The following ST18 variants were observed in gnomAD, a reference collection of about 807,000 sequenced individuals.
The protein encoded by ST18 is ST18 C2H2C-type zinc finger transcription factor, also known as suppression of tumorigenicity 18 protein.
In ST18, 50 loss-of-function variants were observed where a neutral mutation model predicts 110.0. The observed-to-expected ratio is 0.45, with a 90% confidence interval of 0.36 to 0.58. The LOEUF is 0.58. ST18 is among the 20% of genes least tolerant of loss of function. The pLI is 0.00. For synonymous variants in ST18, 461 were observed against 452.4 expected (o/e 1.02, Z -0.24); for missense variants, 1,306 against 1,280.1 (o/e 1.02, Z -0.31).
At chr8:52,249,985 C>G (rs994588552) in intron 2 of ST18, among the ~76,000 whole-genome samples, 2 of 152,000 alleles carry the variant, frequency 1.3e-5, no homozygotes, top group Admixed American at 6.6e-5. Context: ...AGCCCTACCC[C>G]CTACCCAAGC....
At chr8:52,192,867 C>T (rs531371717) in intron 8 of ST18, among the ~76,000 whole-genome samples, 1 of 152,172 alleles carries the variant, frequency 6.6e-6, no homozygotes, top group Non-Finnish European at 1.5e-5. Context: ...CCTTTTCTGT[C>T]ACCTGGGTTC....
At chr8:52,222,379 G>A (rs1001270278) in intron 3 of ST18, among the ~76,000 whole-genome samples, 11 of 152,112 alleles carry the variant, frequency 7.2e-5, no homozygotes, top group Non-Finnish European at 1.0e-4. Context: ...GCTTCCTGAC[G>A]CTCACAGCTT....
chr8:52,324,007 T>C (rs970057337), intron 2 of ST18, among the ~76,000 whole-genome samples: 16 of 152,210 alleles, frequency 1.1e-4, no homozygotes, highest in African/African-American at 3.9e-4. Flanking sequence ...GACAGGGAAC[T>C]TCATCTGCCC....
At chr8:52,169,981 G>A (rs559157837) in intron 10 of ST18, among the ~76,000 whole-genome samples, 18 of 152,246 alleles carry the variant, frequency 1.2e-4, no homozygotes, top group African/African-American at 3.9e-4. Flanking sequence ...AGTTTCAAAA[G>A]CTCTATAAAA....
At position 52,246,099 on chromosome 8, in the gene ST18, G is replaced by A. The variant is rs568135567; in HGVS notation, c.-464-16022C>T. On this transcript the variant is annotated intron_variant, in intron 2 of 25. Coordinates refer to ENST00000689386, the MANE Select transcript of ST18 (RefSeq NM_001352837.2). ...TTGACAACACTATATTCAAATACTC[G>A]TAAAGAAATTCAGATATCTCTTGAG... 7.2e-5 allele frequency among the ~76,000 whole-genome samples: 11 copies of A among 152,024 alleles called. 1 individual carries two copies. Among genetic ancestry groups the A allele is most frequent in the Middle Eastern group, 6.9e-3 (2 of 290 alleles).
chr8:52,386,358 G>A (rs1354819705), intron 2 of ST18, among the ~76,000 whole-genome samples: 1 of 151,582 alleles, frequency 6.6e-6, no homozygotes, highest in African/African-American at 2.4e-5. Context: ...AAAATATTTA[G>A]CACTTTGATT....
At chr8:52,137,674 A>G in intron 17 of ST18, 191 bp from the exon 18 acceptor site, 1 of 520,888 alleles carries the variant, frequency 1.9e-6, no homozygotes, top group Non-Finnish European at 3.4e-6. Context: ...AAAACTAAAA[A>G]TCATAGCATG....
intron 2 of ST18, among the ~76,000 whole-genome samples, chr8:52,403,022 G>A (rs1045967164): frequency 6.6e-6 from 1 of 152,172 alleles, no homozygotes; most frequent in Non-Finnish European, 1.5e-5. Flanking sequence ...CTTCCTGGGG[G>A]TGGGACATTG....
rs568588117 is a variant in ST18, at chr8:52,261,629, C to T, written c.-464-31552G>A. Among the ~76,000 whole-genome samples the T allele has an allele frequency of 3.3e-5, 5 of 152,308 alleles. No homozygotes were observed. In the South Asian group the frequency reaches 8.3e-4, roughly 25 times the overall value. On this transcript the variant is annotated intron_variant, in intron 2 of 25. Transcript: ENST00000689386. ...TGCTTCCAGTTTGGTTTCTATAACA[C>T]ATCTACCCATTCAGGGCCCTGAGGT...
In ST18 at chr8:52,402,598, C is replaced by T. The variant is rs7012777; in HGVS notation, c.-465+6730G>A. 5.6e-3 allele frequency among the ~76,000 whole-genome samples: 850 copies of T among 152,254 alleles called. 8 individuals are homozygous for T. The highest frequency in any genetic ancestry group is 0.019 in the African/African-American group (802 of 41,538). On this transcript the variant is annotated intron_variant, in intron 2 of 25. Transcript: ENST00000689386. ...TCTTAGAACCAATAGGGCACAGTGG[C>T]AACTCAGGCATCAGAAGTGGGGGTA... is the stretch of plus-strand genomic sequence containing the variant.
chr8:52,386,733 T>C (rs1836937847), intron 2 of ST18, among the ~76,000 whole-genome samples: 1 of 152,142 alleles, frequency 6.6e-6, no homozygotes, highest in Non-Finnish European at 1.5e-5. Context: ...AAGCATTGCC[T>C]TAGTGGAGTT....
intron 10 of ST18, chr8:52,171,456 T>C: frequency 2.6e-6 from 1 of 390,614 alleles, no homozygotes; most frequent in South Asian, 2.0e-5. Flanking sequence ...TTCTGGAAGA[T>C]TTAAGATCCA....
At chr8:52,400,429 T>C (rs183022271) in intron 2 of ST18, among the ~76,000 whole-genome samples, 237 of 152,252 alleles carry the variant, frequency 1.6e-3, no homozygotes, top group African/African-American at 5.6e-3. Context: ...ATAGTTACTA[T>C]TGATAGGTAT....
chr8:52,383,596 G>A (rs541881814), intron 2 of ST18, among the ~76,000 whole-genome samples: 343 of 151,646 alleles, frequency 2.3e-3, no homozygotes, highest in Non-Finnish European at 3.6e-3. Flanking sequence ...TTACAGGCAC[G>A]CACCACCATG....
chr8:52,349,273 T>C lies in ST18; in HGVS notation c.-465+60055A>G, dbSNP rs75875497. Among the ~76,000 whole-genome samples, 1,497 of 152,274 alleles carry C rather than the reference T, an allele frequency of 9.8e-3. 30 individuals are homozygous for C. Among genetic ancestry groups the C allele is most frequent in the African/African-American group, 0.034 (1,424 of 41,530 alleles). On this transcript the variant is annotated intron_variant, in intron 2 of 25. Coordinates refer to ENST00000689386, the MANE Select transcript of ST18 (RefSeq NM_001352837.2). ...CCTGTGTCCTGAAGGCTTTGTGGGG[T>C]AAAGCTGCCATAACTGTCCTGAACT...
chr8:52,325,251 T>C (rs571219669), intron 2 of ST18, among the ~76,000 whole-genome samples: 30 of 152,292 alleles, frequency 2.0e-4, no homozygotes, highest in African/African-American at 6.5e-4. Context: ...ATCATTGAAA[T>C]GCTTAACGAC....
chr8:52,261,201 G>C (rs2094684555), intron 2 of ST18, among the ~76,000 whole-genome samples: 1 of 152,148 alleles, frequency 6.6e-6, no homozygotes, highest in Non-Finnish European at 1.5e-5. Context: ...TTTTAAAATG[G>C]GTGAAGTGTT....
chr8:52,172,138 G>A lies in ST18; in HGVS notation c.723C>T (p.Asp241=). 6.2e-7 allele frequency: 1 copy of A among 1,614,094 alleles called. No homozygotes were observed. Residue 241 remains aspartate, a synonymous_variant, in exon 10 of 26, where the codon GAC becomes GAT. Transcript: ENST00000689386. Reference sequence around the variant, plus strand: ...ACCTGTTCTCACAAGGGATAAATTTGTCACCTTCAGTTTTTATTTCAGGAA... The same window carrying A: ...ACCTGTTCTCACAAGGGATAAATTTATCACCTTCAGTTTTTATTTCAGGAA... ...LEVPEIKTEG[D]KFIPCENRCD...
chr8:52,127,133 G>T (rs2047406062), intron 22 of ST18, among the ~76,000 whole-genome samples: 1 of 151,994 alleles, frequency 6.6e-6, no homozygotes, highest in South Asian at 2.1e-4. Flanking sequence ...CATTTGGCAG[G>T]GTGAAAGAAA....
Sources: allele counts gnomAD v4.1 joint callset (sites outside exome capture counted in the v4.1 genomes callset), GRCh38; gene constraint gnomAD v4.1.1; transcripts MANE v1.5; gene names NCBI Gene and HGNC (gene_info 2026-07-23, HGNC 2026-07-21).